FIRRM: variants seen among roughly 807,000 people sequenced by gnomAD.
FIRRM encodes the protein FIGNL1-interacting regulator of recombination and mitosis.
the FIRRM span, chr1:169,807,689 A>T: frequency 9.4e-7 from 1 of 1,067,988 alleles, no homozygotes; most frequent in Non-Finnish European, 1.3e-6. Flanking sequence ...ATGCTTTTTG[A>T]TTGTTTTTTT....
At chr1:169,850,066 C>G in the FIRRM span, 1 of 571,092 alleles carries the variant, frequency 1.8e-6, no homozygotes, top group Non-Finnish European at 3.1e-6. Context: ...GTAATTAAAG[C>G]TTACAACACT....
chr1:169,821,505 A>G, the FIRRM span, among the ~76,000 whole-genome samples: 1 of 152,290 alleles, frequency 6.6e-6, no homozygotes, highest in African/African-American at 2.4e-5. Context: ...TGTTATTTGT[A>G]TCGCACCTAA....
chr1:169,852,491 T>TAAGAC, the FIRRM span: 1 of 370,000 alleles, frequency 2.7e-6, no homozygotes, highest in Non-Finnish European at 4.9e-6. Context: ...AACTTGTTTA[T>TAAGAC]AAGACATGTA....
chr1:169,801,440 C>G, the FIRRM span, among the ~76,000 whole-genome samples: 1 of 114,890 alleles, frequency 8.7e-6, no homozygotes, highest in South Asian at 3.0e-4. Flanking sequence ...AGCGATGCTC[C>G]GTCTCAAAAA....
chr1:169,806,994 C>A, the FIRRM span, among the ~76,000 whole-genome samples: 1 of 152,206 alleles, frequency 6.6e-6, no homozygotes, highest in Non-Finnish European at 1.5e-5. Flanking sequence ...TCCACTCTTA[C>A]CCTCTTCCAG....
At chr1:169,799,624 T>C in the FIRRM span, among the ~76,000 whole-genome samples, 3 of 152,210 alleles carry the variant, frequency 2.0e-5, no homozygotes, top group Non-Finnish European at 2.9e-5. Context: ...TGATCTTTGC[T>C]CACTGCAACC....
At chr1:169,843,852 A>G in the FIRRM span, 1 of 806,810 alleles carries the variant, frequency 1.2e-6, no homozygotes, top group East Asian at 2.6e-5. Flanking sequence ...TTCTAGAAAT[A>G]GTTCCTTTAA....
At chr1:169,832,111 C>G in the FIRRM span, among the ~76,000 whole-genome samples, 3 of 152,118 alleles carry the variant, frequency 2.0e-5, no homozygotes, top group African/African-American at 4.8e-5. Context: ...ATCTACCTCT[C>G]TACTATTGTA....
chr1:169,821,647 A>G, the FIRRM span: 1 of 1,453,118 alleles, frequency 6.9e-7, no homozygotes. Context: ...TTTCTTATTT[A>G]TTATGCTTTC....
the FIRRM span, among the ~76,000 whole-genome samples, chr1:169,844,150 A>G: frequency 6.6e-6 from 1 of 152,360 alleles, no homozygotes; most frequent in Admixed American, 6.5e-5. Context: ...GTGTATTAAA[A>G]GATAGCACCT....
chr1:169,825,428 A>G, the FIRRM span, among the ~76,000 whole-genome samples: 1 of 152,194 alleles, frequency 6.6e-6, no homozygotes, highest in African/African-American at 2.4e-5. Flanking sequence ...TGTAAACTAT[A>G]AAGACAGTGA....
the FIRRM span, among the ~76,000 whole-genome samples, chr1:169,819,026 A>G: frequency 2.0e-5 from 3 of 152,180 alleles, no homozygotes; most frequent in African/African-American, 7.2e-5. Flanking sequence ...TTTAGGGTAG[A>G]GCCCTTGGAG....
At chr1:169,834,929 TGTAG>T in the FIRRM span, among the ~76,000 whole-genome samples, 2 of 152,184 alleles carry the variant, frequency 1.3e-5, no homozygotes, top group Admixed American at 6.5e-5. Context: ...GTTGGGTGTT[TGTAG>T]CTGAGACAGT....
At chr1:169,815,640 C>T in the FIRRM span, among the ~76,000 whole-genome samples, 1 of 152,236 alleles carries the variant, frequency 6.6e-6, no homozygotes, top group African/African-American at 2.4e-5. Context: ...TGGGTTTTGG[C>T]CAGCTTCTCT....
the FIRRM span, among the ~76,000 whole-genome samples, chr1:169,831,328 A>T: frequency 1.3e-5 from 2 of 152,264 alleles, no homozygotes; most frequent in East Asian, 3.9e-4. Context: ...GATGATTATG[A>T]CCTATTTGTT....
chr1:169,836,675 TATTTA>T, the FIRRM span, among the ~76,000 whole-genome samples: 9 of 152,208 alleles, frequency 5.9e-5, no homozygotes, highest in African/African-American at 1.9e-4. Flanking sequence ...TGAAATACAT[TATTTA>T]ATGTCTTGGT....
the FIRRM span, chr1:169,830,722 A>G: frequency 3.1e-6 from 5 of 1,613,800 alleles, no homozygotes; most frequent in Non-Finnish European, 3.4e-6. Context: ...CTGTGTGCAC[A>G]CCATGTCACC....
At chr1:169,820,529 G>C in the FIRRM span, among the ~76,000 whole-genome samples, 3 of 152,154 alleles carry the variant, frequency 2.0e-5, no homozygotes, top group Non-Finnish European at 4.4e-5. Flanking sequence ...TACTGAGGGG[G>C]ATCTCTAACC....
the FIRRM span, chr1:169,821,680 A>G: frequency 1.2e-6 from 2 of 1,604,680 alleles, no homozygotes; most frequent in Non-Finnish European, 1.7e-6. Flanking sequence ...TTGGATCAGG[A>G]TAATGCTGAC....
Sources: gnomAD v4.1 joint callset for allele counts (sites outside exome capture counted in the v4.1 genomes callset) on GRCh38, gnomAD v4.1.1 for gene constraint, MANE v1.5 for transcripts, NCBI Gene and HGNC (gene_info 2026-07-23, HGNC 2026-07-21) for gene names.